Variants in CCNYL1 observed in about 807,000 individuals in gnomAD.
CCNYL1 encodes cyclin-Y-like protein 1.
A neutral mutation model predicts 44.2 loss-of-function variants in CCNYL1; 16 were observed. That is an observed-to-expected ratio of 0.36 (90% CI 0.25 to 0.55). The LOEUF is 0.55. Ranked by LOEUF, CCNYL1 falls within the 20% of genes least tolerant of loss-of-function variation. CCNYL1 has a pLI of 0.85. For missense variants in CCNYL1, 348 were observed against 451.8 expected (o/e 0.77, Z 2.08); for synonymous variants, 159 against 163.2 (o/e 0.97, Z 0.20).
intron 1 of CCNYL1, among the ~76,000 whole-genome samples, chr2:207,713,634 A>G (rs1424533384): frequency 6.6e-6 from 1 of 152,252 alleles, no homozygotes; most frequent in African/African-American, 2.4e-5. Flanking sequence ...TTTCGTATAA[A>G]TGCCAGAGAT....
chr2:207,732,842 T>C (rs2091738649), intron 3 of CCNYL1, among the ~76,000 whole-genome samples: 1 of 152,236 alleles, frequency 6.6e-6, no homozygotes. Flanking sequence ...GCAGATAAAT[T>C]CTGCTAATTT....
intron 5 of CCNYL1, 79 bp downstream of exon 5, chr2:207,737,525 A>G (rs921592851): frequency 3.2e-5 from 36 of 1,141,638 alleles, no homozygotes; most frequent in African/African-American, 9.3e-5. Flanking sequence ...GGTCATAACT[A>G]TAGACATCAT....
At chr2:207,728,156 G>C (rs1158518143) in intron 3 of CCNYL1, among the ~76,000 whole-genome samples, 1 of 151,700 alleles carries the variant, frequency 6.6e-6, no homozygotes, top group Non-Finnish European at 1.5e-5. Context: ...TAGAGACGGG[G>C]TTTCACCATG....
intron 7 of CCNYL1, among the ~76,000 whole-genome samples, chr2:207,744,228 T>TTGTGTGTGTGTGTGTG (rs61530643): frequency 2.0e-5 from 3 of 150,228 alleles, no homozygotes; most frequent in African/African-American, 7.4e-5. Flanking sequence ...CAGGAACATT[T>TTGTGTGTGTGTGTGTG]TGTGTGTGTG....
intron 1 of CCNYL1, among the ~76,000 whole-genome samples, chr2:207,719,979 G>A (rs2091627632): frequency 6.6e-6 from 1 of 152,092 alleles, no homozygotes; most frequent in Admixed American, 6.6e-5. Flanking sequence ...CACGAGGTCA[G>A]GAGATGGAGA....
At chr2:207,716,245 A>T (rs576609842) in intron 1 of CCNYL1, among the ~76,000 whole-genome samples, 1 of 151,650 alleles carries the variant, frequency 6.6e-6, no homozygotes, top group African/African-American at 2.4e-5. Flanking sequence ...TTTTCCACTG[A>T]TGGGTGAAGG....
chr2:207,724,658 T>C, intron 1 of CCNYL1, 142 bp from the exon 2 acceptor site: 1 of 642,110 alleles, frequency 1.6e-6, no homozygotes, highest in South Asian at 2.0e-5. Context: ...AGTATTTTTG[T>C]ATTGTCTTTA....
intron 1 of CCNYL1, chr2:207,714,414 A>G: frequency 4.9e-6 from 2 of 407,090 alleles, no homozygotes; most frequent in African/African-American, 2.2e-5. Context: ...CTCCCACCTC[A>G]GCCTCCTGAA....
At chr2:207,721,864 A>T (rs2091642851) in intron 1 of CCNYL1, among the ~76,000 whole-genome samples, 1 of 151,282 alleles carries the variant, frequency 6.6e-6, no homozygotes, top group Non-Finnish European at 1.5e-5. Context: ...CCTCGGTGGC[A>T]GCTCCTGGCT....
chr2:207,716,824 T>C (rs1195635902), intron 1 of CCNYL1, among the ~76,000 whole-genome samples: 1 of 152,110 alleles, frequency 6.6e-6, no homozygotes, highest in African/African-American at 2.4e-5. Context: ...TAAATGTTCT[T>C]ATGGGCCAGG....
At chr2:207,723,874 CAAA>C (rs58432475) in intron 1 of CCNYL1, among the ~76,000 whole-genome samples, 8 of 53,328 alleles carry the variant, frequency 1.5e-4, no homozygotes, top group African/African-American at 3.5e-4. Flanking sequence ...GACTCCATCT[CAAA>C]AAAAAAAAAA....
At chr2:207,728,397 T>G (rs2091697036) in intron 3 of CCNYL1, among the ~76,000 whole-genome samples, 1 of 152,112 alleles carries the variant, frequency 6.6e-6, no homozygotes, top group African/African-American at 2.4e-5. Flanking sequence ...CATCTCAGCC[T>G]TCCGAGTAAC....
intron 3 of CCNYL1, among the ~76,000 whole-genome samples, chr2:207,728,083 C>A (rs2105825402): frequency 6.6e-6 from 1 of 151,956 alleles, no homozygotes; most frequent in East Asian, 1.9e-4. Context: ...CCTGTGTCAG[C>A]CTCCCAAGTA....
At chr2:207,737,684 T>G (rs951429856) in intron 5 of CCNYL1, among the ~76,000 whole-genome samples, 2 of 141,506 alleles carry the variant, frequency 1.4e-5, no homozygotes, top group Non-Finnish European at 3.0e-5. Context: ...GAAATTGAAG[T>G]TGAGAATTTA....
At chr2:207,741,613 G>A (rs1340146618) in intron 6 of CCNYL1, among the ~76,000 whole-genome samples, 5 of 152,062 alleles carry the variant, frequency 3.3e-5, no homozygotes, top group Non-Finnish European at 4.4e-5. Flanking sequence ...TTGGGAGGCC[G>A]AGGTGGGCAG....
intron 1 of CCNYL1, among the ~76,000 whole-genome samples, chr2:207,715,424 G>GGC (rs1431178055): frequency 8.5e-6 from 1 of 117,052 alleles, no homozygotes; most frequent in Non-Finnish European, 1.6e-5. Flanking sequence ...CTCTTGCCTA[G>GGC]GCTGGAGTGC....
chr2:207,739,038 A>G (rs537400264), intron 5 of CCNYL1, among the ~76,000 whole-genome samples: 18 of 152,214 alleles, frequency 1.2e-4, no homozygotes, highest in Admixed American at 9.2e-4. Context: ...ATTTCTTGAC[A>G]GTGGCAAAGC....
chr2:207,713,578 A>G (rs2091570338), intron 1 of CCNYL1, among the ~76,000 whole-genome samples: 4 of 152,252 alleles, frequency 2.6e-5, no homozygotes, highest in Admixed American at 2.6e-4. Context: ...TTTGAAGTAG[A>G]AAAACATTGT....
intron 1 of CCNYL1, among the ~76,000 whole-genome samples, chr2:207,720,806 C>T (rs772531162): frequency 1.3e-5 from 2 of 152,192 alleles, no homozygotes; most frequent in Non-Finnish European, 2.9e-5. Flanking sequence ...TGAAATGTCA[C>T]AGCTCAGTCA....
Sources: gnomAD v4.1 joint callset for allele counts (sites outside exome capture counted in the v4.1 genomes callset) on GRCh38, gnomAD v4.1.1 for gene constraint, MANE v1.5 for transcripts, NCBI Gene and HGNC (gene_info 2026-07-23, HGNC 2026-07-21) for gene names.